The following DISP3 variants were observed in gnomAD, a reference collection of about 807,000 sequenced individuals.
DISP3 encodes dispatched RND transporter family member 3.
A neutral mutation model predicts 135.3 loss-of-function variants in DISP3; 101 were observed. That is an observed-to-expected ratio of 0.75 (90% CI 0.64 to 0.88). The LOEUF (loss-of-function observed/expected upper bound fraction) is 0.88, where lower values mean the gene tolerates loss of function less well. DISP3 is among the 40% of genes least tolerant of loss of function. DISP3 has a pLI of 0.00. For missense variants in DISP3, 1,713 were observed against 1,878.6 expected (o/e 0.91, Z 1.63); for synonymous variants, 856 against 817.0 (o/e 1.05, Z -0.81).
At chr1:11,489,567 G>C (rs1459800828) in intron 1 of DISP3, among the ~76,000 whole-genome samples, 1 of 152,198 alleles carries the variant, frequency 6.6e-6, no homozygotes, top group African/African-American at 2.4e-5. Context: ...GTGACGGGGA[G>C]CCTCTCCCAG....
At chr1:11,503,573 G>A (rs1641615014) in intron 3 of DISP3, among the ~76,000 whole-genome samples, 1 of 152,020 alleles carries the variant, frequency 6.6e-6, no homozygotes, top group African/African-American at 2.4e-5. Context: ...AGCTCCAGGG[G>A]GGAAAGAGAG....
chr1:11,493,772 C>T (rs11121757), intron 1 of DISP3, among the ~76,000 whole-genome samples: 30,069 of 152,022 alleles, frequency 0.2, 3,275 homozygotes, highest in East Asian at 0.47. Context: ...CTCACACACA[C>T]ACCCAGAATC....
At chr1:11,495,294 G>C (rs892102882) in intron 1 of DISP3, among the ~76,000 whole-genome samples, 1 of 152,208 alleles carries the variant, frequency 6.6e-6, no homozygotes, top group Non-Finnish European at 1.5e-5. Context: ...AGGAGGCTGA[G>C]GCACGAGAAT....
chr1:11,529,441 C>G lies in DISP3; in HGVS notation c.2799-115C>G, dbSNP rs1259666390. On this transcript the variant is annotated intron_variant, in intron 13 of 20. Coordinates refer to ENST00000294484, the MANE Select transcript of DISP3 (RefSeq NM_020780.2). The surrounding 1 kb of genome is among the most constrained non-coding windows in gnomAD (Gnocchi z 4.7). ...CAAATCCCCATGCCGGGGCAGAGCC[C>G]GAGTCCAGACCCCATGACACCCCAG... 7.9e-7 allele frequency: 1 copy of G among 1,268,628 alleles called. No individual in the cohort carries two copies. The highest frequency in any genetic ancestry group is 1.5e-5 in the African/African-American group (1 of 66,638). The allele number at this position is 1,268,628 out of a possible 1,614,324, so 78.6% of individuals were successfully genotyped here.
intron 12 of DISP3, among the ~76,000 whole-genome samples, chr1:11,525,797 T>A (rs551322870): frequency 6.6e-6 from 1 of 152,104 alleles, no homozygotes; most frequent in African/African-American, 2.4e-5. Context: ...GAGTCATTTG[T>A]GTTTCTTTTC....
intron 1 of DISP3, among the ~76,000 whole-genome samples, chr1:11,482,130 T>TCTCCCCATC (rs1443906642): frequency 6.6e-6 from 1 of 152,166 alleles, no homozygotes; most frequent in Non-Finnish European, 1.5e-5. Flanking sequence ...ACTTCCCTCG[T>TCTCCCCATC]CTCCCCATCC....
intron 5 of DISP3, 30 bp downstream of exon 5, chr1:11,515,533 G>A (rs758984648): frequency 9.5e-6 from 15 of 1,571,494 alleles, no homozygotes; most frequent in African/African-American, 4.1e-5. Context: ...ATGGCAGTGC[G>A]CCTCCCACAT....
At position 11,520,010 on chromosome 1, in the gene DISP3, A is replaced by ACC; in HGVS notation, c.2200+136_2200+137dup. 1.2e-6 allele frequency: 1 copy of ACC among 832,912 alleles called. No homozygotes were observed. Among genetic ancestry groups the ACC allele is most frequent in the Non-Finnish European group, 1.8e-6 (1 of 553,610 alleles). The allele number at this position is 832,912 out of a possible 1,614,324, so 51.6% of individuals were successfully genotyped here. On this transcript the variant is annotated intron_variant, in intron 9 of 20. Transcript: ENST00000294484. This position sits in a 1 kb window ranked among gnomAD's most constrained non-coding sequence, Gnocchi z 4.8. ...CTGGGCTGGGGTCTCTCCCTCTCTG[A>ACC]CCCCCCCTCTTTCCTGTGCAGAATG...
rs1469570090 is a variant in DISP3, at chr1:11,529,497, A to G, written c.2799-59A>G. On this transcript the variant is annotated intron_variant, in intron 13 of 20. Coordinates refer to ENST00000294484, the MANE Select transcript of DISP3 (RefSeq NM_020780.2). The surrounding 1 kb of genome is among the most constrained non-coding windows in gnomAD (Gnocchi z 4.7). ...GTCCCAACCCTGGCCTGCTGGCCTC[A>G]CCTCCCCTGACTCCTCCTAGCCTTT... 2.4e-5 allele frequency: 37 copies of G among 1,512,050 alleles called. 2 individuals are homozygous for G. The Middle Eastern group carries it at 6.1e-3, about 248-fold the overall frequency. The allele number at this position is 1,512,050 out of a possible 1,614,324, so 93.7% of individuals were successfully genotyped here. A position where few individuals can be genotyped will look rare whatever the true frequency, so the allele number is the denominator to read the frequency against.
In DISP3 at chr1:11,490,124, C is replaced by T. The variant is rs368522096; in HGVS notation, c.-4+10752C>T. Among the ~76,000 whole-genome samples the T allele has an allele frequency of 1.7e-3, 254 of 146,538 alleles. 3 individuals carry two copies. In the South Asian group the frequency reaches 0.034, roughly 20 times the overall value. Reference sequence around the variant, plus strand: ...TTGGGACTGAGGGTGGGAGAGATGTCGGGGGTGGGGGTGGTCTGGACGGAT... The same window carrying T: ...TTGGGACTGAGGGTGGGAGAGATGTTGGGGGTGGGGGTGGTCTGGACGGAT... On this transcript the variant is annotated intron_variant, in intron 1 of 20. Coordinates refer to ENST00000294484, the MANE Select transcript of DISP3 (RefSeq NM_020780.2).
At chr1:11,511,192 C>T (rs1350066905) in intron 3 of DISP3, among the ~76,000 whole-genome samples, 1 of 152,202 alleles carries the variant, frequency 6.6e-6, no homozygotes, top group Non-Finnish European at 1.5e-5. Flanking sequence ...CTCATGTCCT[C>T]ACATTTTAAA....
rs774219282 is a variant in DISP3 at position 11,531,757 on chromosome 1, G to C, written c.3375+47G>C. The C allele has an allele frequency of 2.6e-6, 4 of 1,549,036 alleles. No homozygotes were observed. In the South Asian group the frequency reaches 3.7e-5, roughly 14 times the overall value. On this transcript the variant is annotated intron_variant, in intron 17 of 20. Coordinates refer to ENST00000294484, the MANE Select transcript of DISP3 (RefSeq NM_020780.2). The surrounding 1 kb of genome is among the most constrained non-coding windows in gnomAD (Gnocchi z 5.2). The stretch of plus-strand genomic sequence containing the variant: ...GGGTGCCATGCTGCGTACTTGCCCG[G>C]GGTGTGCCACCTCTGATCCCAGCCC...
chr1:11,532,110 G>A (rs1570150411), intron 17 of DISP3, among the ~76,000 whole-genome samples: 1 of 152,152 alleles, frequency 6.6e-6, no homozygotes, highest in Non-Finnish European at 1.5e-5. Context: ...CCAGGAGTCC[G>A]GCCATCCCCC....
intron 3 of DISP3, among the ~76,000 whole-genome samples, chr1:11,506,758 G>T (rs551344423): frequency 6.6e-6 from 1 of 152,172 alleles, no homozygotes; most frequent in Admixed American, 6.5e-5. Context: ...CACTTGGTTT[G>T]GGATCCTGTG....
In DISP3 at chr1:11,483,851, G is replaced by C. The variant is rs974975472; in HGVS notation, c.-4+4479G>C. On this transcript the variant is annotated intron_variant, in intron 1 of 20. Transcript: ENST00000294484. The surrounding 1 kb of genome is among the most constrained non-coding windows in gnomAD (Gnocchi z 5.4). ...ACTCTGTAAGAGGTCAAGGATATGA[G>C]AAGCCTCTGCAGATGGGGAAGTTAC... Among the ~76,000 whole-genome samples, 1 of 152,234 alleles carries C rather than the reference G, an allele frequency of 6.6e-6. No homozygotes were observed. Among genetic ancestry groups the C allele is most frequent in the Non-Finnish European group, 1.5e-5 (1 of 68,042 alleles).
Position 11,519,374 on chromosome 1 carries a change from C to T in DISP3, c.1909C>T (p.Arg637Trp), listed in dbSNP as rs751063533. ...CCACAGCTGCCACCAGAATTGCAGC[C>T]GGAAGACCTCCCTGCACTTCCCCGG... ...CQTSCHQNCS[R>W]KTSLHFPGDV... is the part of the protein sequence containing the mutation. Residue 637 changes from arginine (R) to tryptophan (W), a missense_variant, in exon 8 of 21, where the codon CGG becomes TGG. Arg to Trp is a moderately radical substitution (Grantham distance 101). Coordinates refer to ENST00000294484, the MANE Select transcript of DISP3 (RefSeq NM_020780.2). The surrounding 1 kb of genome is among the most constrained non-coding windows in gnomAD (Gnocchi z 4.3). 8.1e-6 allele frequency: 13 copies of T among 1,613,692 alleles called. No individual in the cohort carries two copies. In the Admixed American group the frequency reaches 8.3e-5, roughly 10 times the overall value.
In DISP3 at chr1:11,516,099, A is replaced by G; in HGVS notation, c.1687A>G (p.Lys563Glu). The G allele has an allele frequency of 6.2e-7, 1 of 1,614,154 alleles. No individual in the cohort carries two copies. The highest frequency in any genetic ancestry group is 1.1e-5 in the South Asian group (1 of 91,080). The change falls in exon 6 of 21, where the codon AAG becomes GAG. Residue 563 changes from lysine to glutamate, a missense_variant. Lys to Glu is a moderately conservative substitution (Grantham distance 56). Coordinates refer to ENST00000294484, the MANE Select transcript of DISP3 (RefSeq NM_020780.2). The surrounding 1 kb of genome is among the most constrained non-coding windows in gnomAD (Gnocchi z 5.1). ...GATCCACACCGTCCAAACTGCAGGCAAGGCCACCTTCTTCACCTCCCTGAC... is the reference window on the plus strand; with the variant it reads ...GATCCACACCGTCCAAACTGCAGGCGAGGCCACCTTCTTCACCTCCCTGAC... ...RMIHTVQTAG[K>E]ATFFTSLTTA...
chr1:11,515,986 G>A lies in DISP3; in HGVS notation c.1589-15G>A. The A allele has an allele frequency of 1.2e-6, 2 of 1,612,834 alleles. No individual in the cohort carries two copies. The highest frequency in any genetic ancestry group is 1.1e-5 in the South Asian group (1 of 90,892). On this transcript the variant is annotated splice_polypyrimidine_tract_variant and intron_variant, in intron 5 of 20. Transcript: ENST00000294484. ...CAGAATAATCCTGAGCCTGGCTGGG[G>A]ACTCCCTCCCACAGGTGTGGACGAT...
Position 11,529,747 on chromosome 1 carries a change from G to A in DISP3, c.2930-40G>A. The A allele has an allele frequency of 6.2e-7, 1 of 1,603,592 alleles. No individual in the cohort carries two copies. The highest frequency in any genetic ancestry group is 8.5e-7 in the Non-Finnish European group (1 of 1,172,322). ...CTGAGACCTCGGGGCTCAGGAGCTG[G>A]ACCCTGCCTTCCCTTACAGCTGTGA... On this transcript the variant is annotated intron_variant, in intron 14 of 20. Coordinates refer to ENST00000294484, the MANE Select transcript of DISP3 (RefSeq NM_020780.2). This position sits in a 1 kb window ranked among gnomAD's most constrained non-coding sequence, Gnocchi z 4.7.
Sources: allele counts gnomAD v4.1 joint callset (sites outside exome capture counted in the v4.1 genomes callset), GRCh38; gene constraint gnomAD v4.1.1; non-coding constraint Gnocchi (gnomAD v3.1); transcripts MANE v1.5; gene names NCBI Gene and HGNC (gene_info 2026-07-23, HGNC 2026-07-21).